The following TMEM165 variants were observed in gnomAD, a reference collection of about 807,000 sequenced individuals.
The protein encoded by TMEM165 is putative divalent cation/proton antiporter TMEM165.
A neutral mutation model predicts 30.0 loss-of-function variants in TMEM165; 19 were observed. That is an observed-to-expected ratio of 0.63 (90% CI 0.44 to 0.93). The LOEUF is 0.93. Among genes scored for constraint, TMEM165 ranks in the 40% least tolerant of loss-of-function variants. TMEM165 has a pLI of 0.00. For missense variants in TMEM165, 340 were observed against 417.0 expected (o/e 0.82, Z 1.61); for synonymous variants, 168 against 162.9 (o/e 1.03, Z -0.24).
At chr4:55,450,332 A>G in intron 3 of TMEM165, 6 of 1,392,728 alleles carry the variant, frequency 4.3e-6, no homozygotes, top group African/African-American at 1.4e-5. Flanking sequence ...GTTTTTGTCT[A>G]TAACAAGGCA....
intron 1 of TMEM165, among the ~76,000 whole-genome samples, chr4:55,398,575 G>A (rs1560384892): frequency 6.6e-6 from 1 of 152,164 alleles, no homozygotes; most frequent in African/African-American, 2.4e-5. Flanking sequence ...CTTGAGCCTA[G>A]CTTTCTCTTT....
At chr4:55,434,530 A>G (rs1484114582) in intron 3 of TMEM165, 1 of 152,602 alleles carries the variant, frequency 6.6e-6, no homozygotes, top group East Asian at 1.9e-4. Flanking sequence ...TAATTGAAAA[A>G]TAATGAAATG....
intron 3 of TMEM165, among the ~76,000 whole-genome samples, chr4:55,447,194 C>T (rs1470461392): frequency 6.6e-6 from 1 of 152,022 alleles, no homozygotes; most frequent in African/African-American, 2.4e-5. Context: ...TGGCAAAACC[C>T]TGTCTCTACT....
chr4:55,449,329 A>T, intron 3 of TMEM165: 1 of 1,383,904 alleles, frequency 7.2e-7, no homozygotes, highest in Non-Finnish European at 1.0e-6. Context: ...TGAATTTCTG[A>T]AGATTTAGAT....
rs1724186868 is a variant in TMEM165 at position 55,448,963 on chromosome 4, C to CT, written c.409-3274dup. On this transcript the variant is annotated intron_variant, in intron 3 of 3. Coordinates refer to the TMEM165 transcript ENST00000608091. Reference sequence around the variant, plus strand: ...TCAATATGATATTCGTATTAATAAACTTACCATTTGCCTCATACTTTTGTT... The same window carrying CT: ...TCAATATGATATTCGTATTAATAAACTTTACCATTTGCCTCATACTTTTGTT... 7.0e-6 allele frequency: 7 copies of CT among 1,000,086 alleles called. No individual in the cohort carries two copies. The East Asian group carries it at 1.8e-4, about 26-fold the overall frequency. The allele number at this position is 1,000,086 out of a possible 1,614,324, so 62.0% of individuals were successfully genotyped here. A position where few individuals can be genotyped will look rare whatever the true frequency, so the allele number is the denominator to read the frequency against.
chr4:55,400,267 TATATAATATAATATTA>T (rs1560385829), intron 1 of TMEM165, among the ~76,000 whole-genome samples: 4 of 102,016 alleles, frequency 3.9e-5, no homozygotes, highest in East Asian at 2.5e-4. Context: ...TAATATATAA[TATATAATATAATATTA>T]TATATTATAT....
At chr4:55,448,958 A>C in intron 3 of TMEM165, 1 of 1,036,558 alleles carries the variant, frequency 9.6e-7, no homozygotes, top group Non-Finnish European at 1.5e-6. Context: ...ATTCGTATTA[A>C]TAAACTTACC....
intron 3 of TMEM165, chr4:55,444,803 GAA>G: frequency 6.2e-7 from 1 of 1,612,360 alleles, no homozygotes; most frequent in Non-Finnish European, 8.5e-7. Flanking sequence ...ACCATGTACG[GAA>G]AAAGTGTAAT....
intron 1 of TMEM165, among the ~76,000 whole-genome samples, chr4:55,402,830 C>T (rs1419671989): frequency 7.5e-5 from 7 of 93,730 alleles, no homozygotes; most frequent in South Asian, 4.4e-4. Flanking sequence ...CTTGCTCTGT[C>T]GCCCAGGCTG....
At chr4:55,452,884 G>A (rs1296176671) in exon 4 of TMEM165, 2 of 525,518 alleles carry the variant, frequency 3.8e-6, no homozygotes, top group Non-Finnish European at 6.7e-6. Context: ...TTAGAGGCAG[G>A]TGAGACTCTA....
In TMEM165 at chr4:55,419,988, A is replaced by G. The variant is rs546400285; in HGVS notation, c.792+2003A>G. On this transcript the variant is annotated intron_variant, in intron 4 of 5. Transcript: ENST00000381334. Reference sequence around the variant, plus strand: ...GCGGGTGCCTGTAATCCTAGCTGCTAGAGAGGCTGAGGCAGGAGAATCACT... The same window carrying G: ...GCGGGTGCCTGTAATCCTAGCTGCTGGAGAGGCTGAGGCAGGAGAATCACT... Among the ~76,000 whole-genome samples, 81 of 150,432 alleles carry G rather than the reference A, an allele frequency of 5.4e-4. 1 individual carries two copies. The South Asian group carries it at 0.017, about 31-fold the overall frequency.
rs371124857 is a variant in TMEM165 at position 55,412,393 on chromosome 4, C to CAAA, written c.433+576_433+578dup. ...TGGGTGATAGAGTGAGACTCCATCT[C>CAAA]AAAAAAAAAAAAAAAAAAAAAAAAG... On this transcript the variant is annotated intron_variant, in intron 2 of 5. Coordinates refer to ENST00000381334, the MANE Select transcript of TMEM165 (RefSeq NM_018475.5). Among the ~76,000 whole-genome samples the CAAA allele has an allele frequency of 7.3e-3, 396 of 54,368 alleles. 50 individuals carry two copies. The highest frequency in any genetic ancestry group is 0.019 in the African/African-American group (247 of 13,206). The allele number at this position is 54,368 out of a possible 152,430, so 35.7% of individuals were successfully genotyped here.
intron 1 of TMEM165, chr4:55,403,349 C>T: frequency 2.4e-6 from 3 of 1,229,522 alleles, no homozygotes; most frequent in Non-Finnish European, 3.2e-6. Flanking sequence ...GTATCTGTAT[C>T]AATTTCAATA....
At chr4:55,404,395 A>C (rs1721186235) in intron 1 of TMEM165, among the ~76,000 whole-genome samples, 1 of 151,832 alleles carries the variant, frequency 6.6e-6, no homozygotes, top group African/African-American at 2.4e-5. Context: ...GTATGTTGTT[A>C]TCTGGCTTCA....
intron 5 of TMEM165, 196 bp downstream of exon 5, chr4:55,424,839 A>G: frequency 3.8e-6 from 2 of 529,888 alleles, no homozygotes; most frequent in Non-Finnish European, 6.6e-6. Flanking sequence ...AGCAAAATAC[A>G]AAGTCATTTT....
At chr4:55,438,814 CACAG>C (rs1723108646) in intron 3 of TMEM165, among the ~76,000 whole-genome samples, 1 of 152,190 alleles carries the variant, frequency 6.6e-6, no homozygotes, top group African/African-American at 2.4e-5. Context: ...TACCTCACAT[CACAG>C]ACAAAGATTA....
downstream of TMEM165, among the ~76,000 whole-genome samples, chr4:55,426,343 T>C (rs988803300): frequency 2.0e-5 from 3 of 152,158 alleles, no homozygotes; most frequent in African/African-American, 7.2e-5. Flanking sequence ...TGTGAGGTAG[T>C]AGGTACTAAT....
downstream of TMEM165, among the ~76,000 whole-genome samples, chr4:55,427,335 C>T (rs1722258103): frequency 1.4e-5 from 2 of 147,278 alleles, no homozygotes; most frequent in African/African-American, 5.2e-5. Flanking sequence ...CATGCTTGGC[C>T]TACTAATACG....
chr4:55,424,255 A>G (rs1197370551), intron 4 of TMEM165: 3 of 399,654 alleles, frequency 7.5e-6, no homozygotes, highest in Non-Finnish European at 1.3e-5. Flanking sequence ...AGGAAGTTTA[A>G]TAACTGCTGA....
Sources: gnomAD v4.1 joint callset for allele counts (sites outside exome capture counted in the v4.1 genomes callset) on GRCh38, gnomAD v4.1.1 for gene constraint, MANE v1.5 for transcripts, NCBI Gene and HGNC (gene_info 2026-07-23, HGNC 2026-07-21) for gene names.